Variants in FMO4 observed in about 807,000 individuals in gnomAD.
The protein encoded by FMO4 is dimethylaniline monooxygenase [N-oxide-forming] 4.
In FMO4, 38 loss-of-function variants were observed where a neutral mutation model predicts 43.3. That is an observed-to-expected ratio of 0.88 (90% CI 0.68 to 1.15). FMO4 has a LOEUF of 1.15. Among genes scored for constraint, FMO4 ranks in the 50% most tolerant of loss-of-function variants. The pLI, the probability that FMO4 is intolerant of heterozygous loss-of-function variation, is 0.00. For missense variants in FMO4, 631 were observed against 663.3 expected, an observed-to-expected ratio of 0.95 and a Z score of 0.54; for synonymous variants, 224 against 232.2, an observed-to-expected ratio of 0.96 and a Z score of 0.32.
At chr1:171,318,316 AAATAAT>A (rs536741358) in intron 2 of FMO4, among the ~76,000 whole-genome samples, 18 of 148,964 alleles carry the variant, frequency 1.2e-4, no homozygotes, top group East Asian at 2.0e-4. Context: ...GACTGTCTCA[AAATAAT>A]AATAATAATA....
chr1:171,326,359 T>C (rs1318753267), intron 5 of FMO4, among the ~76,000 whole-genome samples: 1 of 152,212 alleles, frequency 6.6e-6, no homozygotes, highest in Non-Finnish European at 1.5e-5. Context: ...AACACATGCA[T>C]ACCCTTTTTA....
chr1:171,323,843 C>T (rs138596394), intron 4 of FMO4, among the ~76,000 whole-genome samples: 198 of 152,254 alleles, frequency 1.3e-3, no homozygotes, highest in Admixed American at 2.7e-3. Context: ...ACTAATTTTC[C>T]TAAATTTCCC....
chr1:171,325,999 C>T (rs1419789694), intron 5 of FMO4, among the ~76,000 whole-genome samples: 1 of 151,316 alleles, frequency 6.6e-6, no homozygotes, highest in Non-Finnish European at 1.5e-5. Flanking sequence ...AGGTGTGTGT[C>T]ACCACACCTG....
chr1:171,320,493 AC>A (rs770542525), intron 3 of FMO4, among the ~76,000 whole-genome samples: 1 of 152,220 alleles, frequency 6.6e-6, no homozygotes, highest in Non-Finnish European at 1.5e-5. Flanking sequence ...TCAGGCACTA[AC>A]CAATCATTCT....
rs1663368369 is a variant in FMO4, at chr1:171,341,472, T to A, written c.1310T>A (p.Ile437Asn). Residue 437 changes from isoleucine to asparagine, a missense_variant, in exon 10 of 10, where the codon ATC becomes AAC. Transcript: ENST00000367749. The part of the protein sequence containing the change: ...KFDYIAYMDD[I>N]AACIGTKPSI... The stretch of plus-strand genomic sequence containing the variant: ...GACTACATTGCCTACATGGATGATA[T>A]CGCTGCCTGCATAGGCACAAAGCCC... 1 of 1,613,822 alleles carries A rather than the reference T, an allele frequency of 6.2e-7. No individual in the cohort carries two copies. Among genetic ancestry groups the A allele is most frequent in the Non-Finnish European group, 8.5e-7 (1 of 1,179,934 alleles).
intron 3 of FMO4, among the ~76,000 whole-genome samples, chr1:171,321,845 C>T (rs1487382004): frequency 1.3e-5 from 2 of 152,130 alleles, no homozygotes; most frequent in African/African-American, 4.8e-5. Flanking sequence ...AACACAGTGT[C>T]ATCAAGTTCG....
rs1662197936 is a variant in FMO4, at chr1:171,316,295, ACCTCCTACT to A, written c.-36_-28del. The A allele has an allele frequency of 6.6e-6, 1 of 151,950 alleles. No individual in the cohort carries two copies. Among genetic ancestry groups the A allele is most frequent in the Admixed American group, 6.6e-5 (1 of 15,236 alleles). The allele number at this position is 151,950 out of a possible 1,614,324, so 9.4% of individuals were successfully genotyped here. A position where few individuals can be genotyped will look rare whatever the true frequency, so the allele number is the denominator to read the frequency against. On this transcript the variant is annotated 5_prime_UTR_variant, in exon 2 of 10. Coordinates refer to ENST00000367749, the MANE Select transcript of FMO4 (RefSeq NM_002022.3). Reference sequence around the variant, plus strand: ...TTGTTTCTGATTAGAAGCTGTCTAAACCTCCTACTCCTCAACTCAAAGGAAAACACAGGT... The same window carrying A: ...TTGTTTCTGATTAGAAGCTGTCTAAACCTCAACTCAAAGGAAAACACAGGT...
intron 4 of FMO4, 71 bp from the exon 5 acceptor site, chr1:171,324,067 G>A: frequency 7.2e-7 from 1 of 1,386,984 alleles, no homozygotes; most frequent in Non-Finnish European, 9.7e-7. Flanking sequence ...AACAGACATG[G>A]TTACCACACC....
chr1:171,337,500 C>A, intron 9 of FMO4, 75 bp downstream of exon 9: 3 of 1,031,120 alleles, frequency 2.9e-6, no homozygotes, highest in Non-Finnish European at 3.0e-6. Context: ...AGTATAAAAG[C>A]CATTCCTAGA....
In FMO4 at chr1:171,341,899, C is replaced by G; in HGVS notation, c.*60C>G. On this transcript the variant is annotated 3_prime_UTR_variant, in exon 10 of 10. Coordinates refer to ENST00000367749, the MANE Select transcript of FMO4 (RefSeq NM_002022.3). Reference sequence around the variant, plus strand: ...TAATTCTATCTCCAAGTATCTTGTGCATCCCTCCTCTGCTCTCCATCATAA... The same window carrying G: ...TAATTCTATCTCCAAGTATCTTGTGGATCCCTCCTCTGCTCTCCATCATAA... 1 of 1,349,434 alleles carries G rather than the reference C, an allele frequency of 7.4e-7. No homozygotes were observed. Among genetic ancestry groups the G allele is most frequent in the Non-Finnish European group, 1.0e-6 (1 of 975,456 alleles). The allele number at this position is 1,349,434 out of a possible 1,614,324, so 83.6% of individuals were successfully genotyped here.
At chr1:171,340,123 C>G (rs1663307685) in intron 9 of FMO4, among the ~76,000 whole-genome samples, 1 of 152,192 alleles carries the variant, frequency 6.6e-6, no homozygotes, top group African/African-American at 2.4e-5. Flanking sequence ...TTATAAGGGA[C>G]AGCTGAGCCA....
intron 9 of FMO4, among the ~76,000 whole-genome samples, chr1:171,340,143 C>T (rs575736907): frequency 9.2e-5 from 14 of 152,254 alleles, no homozygotes; most frequent in South Asian, 2.1e-4. Flanking sequence ...AGTTGTCCTA[C>T]GGACAACTTA....
At chr1:171,318,580 T>A (rs1343300097) in intron 2 of FMO4, among the ~76,000 whole-genome samples, 1 of 152,206 alleles carries the variant, frequency 6.6e-6, no homozygotes, top group Admixed American at 6.5e-5. Flanking sequence ...TGGTTGAACA[T>A]CCCAAATCTA....
intron 1 of FMO4, among the ~76,000 whole-genome samples, chr1:171,314,980 T>G (rs1662136967): frequency 6.6e-6 from 1 of 152,144 alleles, no homozygotes; most frequent in Non-Finnish European, 1.5e-5. Flanking sequence ...AGGTCTCCTT[T>G]CTGCCAAGGG....
intron 5 of FMO4, among the ~76,000 whole-genome samples, chr1:171,329,066 G>A (rs1416810964): frequency 3.3e-5 from 5 of 152,208 alleles, no homozygotes; most frequent in Non-Finnish European, 7.3e-5. Flanking sequence ...GAGACAGTGT[G>A]CTTGACTTCC....
At chr1:171,335,699 C>T (rs1018097332) in intron 8 of FMO4, among the ~76,000 whole-genome samples, 1 of 151,888 alleles carries the variant, frequency 6.6e-6, no homozygotes, top group African/African-American at 2.4e-5. Context: ...CACTTAAAAC[C>T]GTACGTTCTC....
intron 1 of FMO4, among the ~76,000 whole-genome samples, chr1:171,314,760 A>G (rs1446160281): frequency 6.6e-6 from 1 of 152,118 alleles, no homozygotes; most frequent in East Asian, 1.9e-4. Flanking sequence ...ATGGCGTGGG[A>G]AAAAAATACT....
At position 171,341,409 on chromosome 1, in the gene FMO4, T is replaced by C; in HGVS notation, c.1251-4T>C. The C allele has an allele frequency of 6.2e-7, 1 of 1,611,094 alleles. No homozygotes were observed. The highest frequency in any genetic ancestry group is 8.5e-7 in the Non-Finnish European group (1 of 1,178,376). ...GAAAGGTCCTCCCTCTTTTTTCCTC[T>C]CAGGGGAGTGTTTAAAGACACCAGC... On this transcript the variant is annotated splice_region_variant and splice_polypyrimidine_tract_variant and intron_variant, in intron 9 of 9. Coordinates refer to ENST00000367749, the MANE Select transcript of FMO4 (RefSeq NM_002022.3).
intron 2 of FMO4, among the ~76,000 whole-genome samples, chr1:171,316,669 A>G (rs1037269577): frequency 6.6e-6 from 1 of 152,168 alleles, no homozygotes; most frequent in African/African-American, 2.4e-5. Flanking sequence ...TAGCTCTCTC[A>G]ACTAAATAGG....
Sources: allele counts gnomAD v4.1 joint callset (sites outside exome capture counted in the v4.1 genomes callset), GRCh38; gene constraint gnomAD v4.1.1; transcripts MANE v1.5; gene names NCBI Gene and HGNC (gene_info 2026-07-23, HGNC 2026-07-21).